The following GABRB2 variants were observed in gnomAD, a reference collection of about 807,000 sequenced individuals.
GABRB2 encodes gamma-aminobutyric acid type A receptor subunit beta2, also known as gamma-aminobutyric acid receptor subunit beta-2.
GABRB2 carries 16 observed loss-of-function variants against 54.7 expected under a neutral mutation model. The observed-to-expected ratio is 0.29, with a 90% CI of 0.20 to 0.44. The LOEUF (loss-of-function observed/expected upper bound fraction) is 0.44. Among genes scored for constraint, GABRB2 ranks in the 20% least tolerant of loss-of-function variants. The pLI, the probability that GABRB2 is intolerant of heterozygous loss-of-function variation, is 1.00. For missense variants in GABRB2, 355 were observed against 644.0 expected, an observed-to-expected ratio of 0.55 and a Z score of 4.86; for synonymous variants, 244 against 233.8, an observed-to-expected ratio of 1.04 and a Z score of -0.40.
At chr5:161,393,284 A>T (rs1238961754) in intron 5 of GABRB2, among the ~76,000 whole-genome samples, 1 of 114,966 alleles carries the variant, frequency 8.7e-6, no homozygotes, top group African/African-American at 3.3e-5. Context: ...TCCCTTTTAT[A>T]ACTCTTTAAA....
At position 161,417,759 on chromosome 5, in the gene GABRB2, C is replaced by G. The variant is rs116174311; in HGVS notation, c.459-6702G>C. On this transcript the variant is annotated intron_variant, in intron 4 of 9. Coordinates refer to ENST00000393959, the MANE Select transcript of GABRB2 (RefSeq NM_001371727.1). ...ACAGGCCTCTCCCCAAGGAGTCCCA[C>G]TTAATATTTTTCCCTGATTGAAGGT... is the stretch of plus-strand genomic sequence containing the variant. Among the ~76,000 whole-genome samples the G allele has an allele frequency of 5.7e-3, 865 of 152,280 alleles. 9 individuals carry two copies. The highest frequency in any genetic ancestry group is 0.019 in the African/African-American group (797 of 41,550).
chr5:161,304,223 T>C (rs1757616898), intron 9 of GABRB2, among the ~76,000 whole-genome samples: 2 of 152,170 alleles, frequency 1.3e-5, no homozygotes, highest in Non-Finnish European at 2.9e-5. Flanking sequence ...CTTTAAATAT[T>C]ATAGTGGCCC....
intron 5 of GABRB2, among the ~76,000 whole-genome samples, chr5:161,360,321 A>G (rs574516263): frequency 6.6e-6 from 1 of 152,340 alleles, no homozygotes; most frequent in African/African-American, 2.4e-5. Context: ...AGCAAGGAAG[A>G]AAACAAAGAA....
At chr5:161,479,110 A>G (rs977972931) in intron 3 of GABRB2, among the ~76,000 whole-genome samples, 6 of 152,084 alleles carry the variant, frequency 3.9e-5, no homozygotes, top group Non-Finnish European at 8.8e-5. Flanking sequence ...CATGCTTCCA[A>G]GAGAATACCT....
intron 5 of GABRB2, among the ~76,000 whole-genome samples, chr5:161,359,553 A>G (rs192552511): frequency 1.4e-4 from 22 of 152,250 alleles, no homozygotes; most frequent in African/African-American, 4.8e-4. Context: ...CGCTTTTACC[A>G]TAATATTGGT....
chr5:161,527,281 G>A (rs1561682756), intron 3 of GABRB2, among the ~76,000 whole-genome samples: 1 of 151,394 alleles, frequency 6.6e-6, no homozygotes, highest in Non-Finnish European at 1.5e-5. Context: ...ACAACTATCT[G>A]TCAATCAATC....
intron 3 of GABRB2, among the ~76,000 whole-genome samples, chr5:161,534,227 A>C (rs1236739217): frequency 6.6e-6 from 1 of 152,172 alleles, no homozygotes; most frequent in Admixed American, 6.6e-5. Flanking sequence ...CAGGGATGCC[A>C]GTGGCATCCA....
intron 5 of GABRB2, among the ~76,000 whole-genome samples, chr5:161,379,821 C>A (rs941908266): frequency 6.6e-6 from 1 of 152,066 alleles, no homozygotes; most frequent in African/African-American, 2.4e-5. Context: ...GAAAGGGGAA[C>A]ATTTGAAGCC....
chr5:161,316,536 C>G (rs1758033932), intron 9 of GABRB2, among the ~76,000 whole-genome samples: 1 of 152,056 alleles, frequency 6.6e-6, no homozygotes, highest in South Asian at 2.1e-4. Flanking sequence ...TCCTCCTTTA[C>G]TTCTTTCCCC....
chr5:161,297,379 C>T (rs1278057091), intron 9 of GABRB2, among the ~76,000 whole-genome samples: 1 of 152,118 alleles, frequency 6.6e-6, no homozygotes, highest in African/African-American at 2.4e-5. Flanking sequence ...GTTTGCTGCA[C>T]CCATCAACCA....
intron 4 of GABRB2, among the ~76,000 whole-genome samples, chr5:161,432,432 T>C (rs1757196392): frequency 1.3e-5 from 2 of 152,140 alleles, no homozygotes; most frequent in Non-Finnish European, 2.9e-5. Flanking sequence ...GTCAAATGGA[T>C]AGATTTATGA....
At chr5:161,299,503 C>T (rs1264490426) in intron 9 of GABRB2, among the ~76,000 whole-genome samples, 1 of 152,118 alleles carries the variant, frequency 6.6e-6, no homozygotes, top group Non-Finnish European at 1.5e-5. Flanking sequence ...TGGAAAGAAG[C>T]CAACACTAAA....
At chr5:161,469,672 C>CACACATACACATACACAT (rs59675873) in intron 3 of GABRB2, among the ~76,000 whole-genome samples, 3,605 of 141,216 alleles carry the variant, frequency 0.026, 94 homozygotes, top group African/African-American at 0.061. Context: ...AAACATTATT[C>CACACATACACATACACAT]ACACATACAC....
In GABRB2 at chr5:161,381,890, A is replaced by T. The variant is rs113294023; in HGVS notation, c.541+29085T>A. Among the ~76,000 whole-genome samples the T allele has an allele frequency of 7.8e-3, 1,187 of 152,340 alleles. 21 individuals are homozygous for T. Among genetic ancestry groups the T allele is most frequent in the South Asian group, 0.052 (249 of 4,826 alleles). Reference sequence around the variant, plus strand: ...TTCATACATCTGGTGTGCAGATCAGATAAAATGATATTTATATACACAGTA... The same window carrying T: ...TTCATACATCTGGTGTGCAGATCAGTTAAAATGATATTTATATACACAGTA... On this transcript the variant is annotated intron_variant, in intron 5 of 9. Coordinates refer to ENST00000393959, the MANE Select transcript of GABRB2 (RefSeq NM_001371727.1).
In GABRB2 at chr5:161,289,376, TC is replaced by T. The variant is rs1414815951; in HGVS notation, c.*4704del. The stretch of plus-strand genomic sequence containing the variant: ...TTGGTGTGAAGCAGCGTCCTTTTTT[TC>T]CCCCATTATCTCATTTTTTTTTTCC... On this transcript the variant is annotated 3_prime_UTR_variant, in exon 10 of 10. Coordinates refer to ENST00000393959, the MANE Select transcript of GABRB2 (RefSeq NM_001371727.1). 6.7e-6 allele frequency: 1 copy of T among 148,856 alleles called. No individual in the cohort carries two copies. Among genetic ancestry groups the T allele is most frequent in the South Asian group, 2.1e-4 (1 of 4,710 alleles). 9.2% of individuals were successfully genotyped at this position (148,856 alleles called of 1,614,324 possible).
At chr5:161,357,548 C>T (rs989359872) in intron 5 of GABRB2, among the ~76,000 whole-genome samples, 1 of 149,780 alleles carries the variant, frequency 6.7e-6, no homozygotes, top group Non-Finnish European at 1.5e-5. Flanking sequence ...TATGATCTGG[C>T]CTGTGTGTTA....
At chr5:161,303,174 T>C (rs991371321) in intron 9 of GABRB2, among the ~76,000 whole-genome samples, 1 of 152,234 alleles carries the variant, frequency 6.6e-6, no homozygotes, top group Non-Finnish European at 1.5e-5. Flanking sequence ...CATGGCTTGT[T>C]CGAAGCTAGG....
chr5:161,369,667 C>G (rs1173378146), intron 5 of GABRB2, among the ~76,000 whole-genome samples: 1 of 151,592 alleles, frequency 6.6e-6, no homozygotes, highest in Non-Finnish European at 1.5e-5. Flanking sequence ...TTTTTTTAAC[C>G]CTTGGGAATA....
chr5:161,546,723 T>C lies in GABRB2; in HGVS notation c.-80A>G, dbSNP rs1464409337. ...AGTCTGCCCAGTGCAGTAATTCTAA[T>C]GTGAGGCGCATGCGCACGGCGTACC... is the stretch of plus-strand genomic sequence containing the variant. On this transcript the variant is annotated 5_prime_UTR_variant, in exon 1 of 10. Coordinates refer to ENST00000393959, the MANE Select transcript of GABRB2 (RefSeq NM_001371727.1). The C allele has an allele frequency of 3.9e-6, 6 of 1,542,064 alleles. No individual in the cohort carries two copies. The highest frequency in any genetic ancestry group is 2.4e-5 in the South Asian group (2 of 83,510).
Sources: allele counts gnomAD v4.1 joint callset (sites outside exome capture counted in the v4.1 genomes callset), GRCh38; gene constraint gnomAD v4.1.1; transcripts MANE v1.5; gene names NCBI Gene and HGNC (gene_info 2026-07-23, HGNC 2026-07-21).